The following ZNF292 variants were observed in gnomAD, a reference collection of about 807,000 sequenced individuals.
ZNF292 encodes zinc finger protein 292.
In ZNF292, 26 loss-of-function variants were observed where a neutral mutation model predicts 217.9. The ratio of observed to expected loss-of-function variants is 0.12; its 90% CI spans 0.09 to 0.17. The LOEUF (loss-of-function observed/expected upper bound fraction) is 0.17, where lower values mean the gene tolerates loss of function less well. Among genes scored for constraint, ZNF292 ranks in the 10% least tolerant of loss-of-function variants. The pLI is 1.00. For synonymous variants in ZNF292, 1,257 were observed against 1,124.1 expected, an observed-to-expected ratio of 1.12 and a Z score of -2.37; for missense variants, 2,904 against 3,175.2, an observed-to-expected ratio of 0.91 and a Z score of 2.05.
At chr6:87,200,025 G>A (rs140485832) in intron 1 of ZNF292, among the ~76,000 whole-genome samples, 203 of 152,250 alleles carry the variant, frequency 1.3e-3, no homozygotes, top group African/African-American at 3.8e-3. Context: ...ATTGAGGCTC[G>A]TGCTATAATT....
rs1771149631 is a variant in ZNF292, at chr6:87,172,883, C to A, written c.168+17124C>A. 2.8e-5 allele frequency among the ~76,000 whole-genome samples: 4 copies of A among 143,252 alleles called. No homozygotes were observed. The South Asian group carries it at 8.7e-4, about 31-fold the overall frequency. The allele number at this position is 143,252 out of a possible 152,430, so 94.0% of individuals were successfully genotyped here. Reference sequence around the variant, plus strand: ...GATTGCACCACTGCAATCTGGGCGACAGAATGAGACTCTGTCTCAAAAAAA... The same window carrying A: ...GATTGCACCACTGCAATCTGGGCGAAAGAATGAGACTCTGTCTCAAAAAAA... On this transcript the variant is annotated intron_variant, in intron 1 of 7. Transcript: ENST00000369577.
At position 87,261,564 on chromosome 6, in the gene ZNF292, T is replaced by C; in HGVS notation, c.7935T>C (p.Cys2645=). The stretch of plus-strand genomic sequence containing the variant: ...CTAGTGGAAATCATGTATGTCCTTG[T>C]AAAGAAAGCGAAACGTTTGTACAGT... ...AVTSGNHVCP[C]KESETFVQFA... The change falls in exon 8 of 8, where the codon TGT becomes TGC. Residue 2645 remains cysteine (C), a synonymous_variant. Coordinates refer to ENST00000369577, the MANE Select transcript of ZNF292 (RefSeq NM_015021.3). 1 of 1,610,436 alleles carries C rather than the reference T, an allele frequency of 6.2e-7. No individual in the cohort carries two copies. Among genetic ancestry groups the C allele is most frequent in the Non-Finnish European group, 8.5e-7 (1 of 1,178,136 alleles).
intron 4 of ZNF292, among the ~76,000 whole-genome samples, chr6:87,230,228 G>A (rs1361950902): frequency 6.6e-6 from 1 of 151,732 alleles, no homozygotes; most frequent in East Asian, 1.9e-4. Flanking sequence ...GCTAGTCAAA[G>A]ATGCTGCAAA....
chr6:87,256,137 A>T lies in ZNF292; in HGVS notation c.2508A>T (p.Glu836Asp), dbSNP rs1775196713. Residue 836 changes from glutamate to aspartate, a missense_variant, in exon 8 of 8, where the codon GAA becomes GAT. This residue lies in a region of ZNF292 where 687 missense variants were observed against 623.0 expected (regional missense o/e 1.10). Coordinates refer to ENST00000369577, the MANE Select transcript of ZNF292 (RefSeq NM_015021.3). ...TGGATGATCACAGTACTCCTCCTGA[A>T]AAAGTGCTGCCTCCTGAAGCCCAAC... is the stretch of plus-strand genomic sequence containing the variant. The part of the protein sequence containing the change: ...KHLDDHSTPP[E>D]KVLPPEAQLN... The T allele has an allele frequency of 6.2e-7, 1 of 1,613,640 alleles. No individual in the cohort carries two copies. Among genetic ancestry groups the T allele is most frequent in the Non-Finnish European group, 8.5e-7 (1 of 1,179,810 alleles).
At chr6:87,189,541 A>G (rs1291126335) in intron 1 of ZNF292, among the ~76,000 whole-genome samples, 1 of 151,932 alleles carries the variant, frequency 6.6e-6, no homozygotes, top group Non-Finnish European at 1.5e-5. Flanking sequence ...TTATTTTCCA[A>G]ACTTTTCTTT....
At chr6:87,191,925 G>C (rs1395028857) in intron 1 of ZNF292, among the ~76,000 whole-genome samples, 1 of 152,176 alleles carries the variant, frequency 6.6e-6, no homozygotes, top group Admixed American at 6.5e-5. Context: ...GCCTCCCAAA[G>C]TGCTGGGATT....
chr6:87,245,361 G>A (rs975727074), intron 6 of ZNF292, 142 bp from the exon 7 acceptor site: 8 of 478,320 alleles, frequency 1.7e-5, no homozygotes, highest in African/African-American at 1.0e-4. Context: ...ATTGGGATCT[G>A]TTTTCTTGCA....
At chr6:87,233,562 TA>T in intron 5 of ZNF292, 35 bp downstream of exon 5, 1 of 1,573,876 alleles carries the variant, frequency 6.4e-7, no homozygotes, top group Non-Finnish European at 8.6e-7. Context: ...AATTATTTTT[TA>T]AGTTGAGAAA....
At chr6:87,165,980 A>T (rs9359737) in intron 1 of ZNF292, among the ~76,000 whole-genome samples, 1 of 151,806 alleles carries the variant, frequency 6.6e-6, no homozygotes, top group Non-Finnish European at 1.5e-5. Flanking sequence ...CTGGTCTCAA[A>T]CTCCTGACCT....
intron 1 of ZNF292, among the ~76,000 whole-genome samples, chr6:87,189,681 A>T (rs1376627048): frequency 6.6e-6 from 1 of 151,958 alleles, no homozygotes; most frequent in Non-Finnish European, 1.5e-5. Flanking sequence ...ATAAAGTGCC[A>T]TCATCAAAGA....
chr6:87,233,648 T>C (rs1024511315), intron 5 of ZNF292, 121 bp downstream of exon 5: 13 of 1,460,064 alleles, frequency 8.9e-6, no homozygotes, highest in Non-Finnish European at 1.2e-5. Context: ...TCTTACATTT[T>C]TGGTATGTTC....
rs35541349 is a variant in ZNF292, at chr6:87,261,934, GAAAA to G, written c.*140_*143del. On this transcript the variant is annotated 3_prime_UTR_variant, in exon 8 of 8. Coordinates refer to ENST00000369577, the MANE Select transcript of ZNF292 (RefSeq NM_015021.3). Reference sequence around the variant, plus strand: ...AATTAACCTGGCCAAAAACAAAAAAGAAAAAAAAAACATGACATTTGTCATGTAA... The same window carrying G: ...AATTAACCTGGCCAAAAACAAAAAAGAAAAAACATGACATTTGTCATGTAA... 1.7e-5 allele frequency: 9 copies of G among 539,672 alleles called. No individual in the cohort carries two copies. The South Asian group carries it at 2.2e-4, about 13-fold the overall frequency. 33.4% of individuals were successfully genotyped at this position (539,672 alleles called of 1,614,324 possible).
chr6:87,253,658 T>TA (rs1775051725), intron 7 of ZNF292, among the ~76,000 whole-genome samples: 2 of 152,196 alleles, frequency 1.3e-5, no homozygotes, highest in Admixed American at 1.3e-4. Context: ...TCCTTTTTAG[T>TA]AAAAATACTA....
rs752830835 is a variant in ZNF292 at position 87,260,127 on chromosome 6, A to G, written c.6498A>G (p.Lys2166=). Residue 2166 remains lysine, a synonymous_variant, in exon 8 of 8, where the codon AAA becomes AAG. Coordinates refer to ENST00000369577, the MANE Select transcript of ZNF292 (RefSeq NM_015021.3). ...AGKESEETET[K]QTLKEFRCQV... ...AAGAAAGTGAAGAAACTGAAACTAA[A>G]CAAACTTTGAAAGAATTTCGATGTC... 5 of 1,613,382 alleles carry G rather than the reference A, an allele frequency of 3.1e-6. No homozygotes were observed. The highest frequency in any genetic ancestry group is 1.6e-4 in the Middle Eastern group (1 of 6,078).
At chr6:87,243,117 AT>A (rs151193873) in intron 5 of ZNF292, among the ~76,000 whole-genome samples, 3,527 of 150,148 alleles carry the variant, frequency 0.023, 131 homozygotes, top group African/African-American at 0.082. Context: ...AAAGTACTGC[AT>A]TTTTTTTTCA....
chr6:87,257,428 G>A lies in ZNF292; in HGVS notation c.3799G>A (p.Ala1267Thr), dbSNP rs375109978. 6.2e-7 allele frequency: 1 copy of A among 1,613,434 alleles called. No homozygotes were observed. Among genetic ancestry groups the A allele is most frequent in the African/African-American group, 1.3e-5 (1 of 74,982 alleles). Residue 1267 changes from alanine to threonine, a missense_variant, in exon 8 of 8, where the codon GCA (alanine) becomes ACA (threonine). By Grantham distance (58) the Ala-to-Thr change is moderately conservative. Coordinates refer to ENST00000369577, the MANE Select transcript of ZNF292 (RefSeq NM_015021.3). ...SGSDPFLPLPAESSSMSLFPS... is the reference protein window; with the variant it reads ...SGSDPFLPLPTESSSMSLFPS... ...CTCAGATCCTTTCCTTCCTTTACCT[G>A]CAGAAAGTAGTTCAATGTCTCTCTT... is the stretch of plus-strand genomic sequence containing the variant.
chr6:87,198,907 C>G (rs1310695443), intron 1 of ZNF292, among the ~76,000 whole-genome samples: 1 of 152,176 alleles, frequency 6.6e-6, no homozygotes, highest in Admixed American at 6.5e-5. Context: ...CTTATCCATT[C>G]AAACCATTGA....
intron 4 of ZNF292, among the ~76,000 whole-genome samples, chr6:87,230,456 C>T (rs920735988): frequency 4.0e-5 from 6 of 151,798 alleles, no homozygotes; most frequent in East Asian, 1.9e-4. Flanking sequence ...TGACATGGCC[C>T]GGCGTGGGGG....
chr6:87,260,711 G>A lies in ZNF292; in HGVS notation c.7082G>A (p.Arg2361His), dbSNP rs979930942. Residue 2361 changes from arginine to histidine, a missense_variant, in exon 8 of 8, where the codon CGT becomes CAT. Arg to His is a conservative substitution (Grantham distance 29, BLOSUM62 0). Around this residue, in one of 15 missense-constraint regions of ZNF292, gnomAD observed 101 missense variants for 89.5 expected, o/e 1.13. Transcript: ENST00000369577. ...GAAAATAAGCCTTATTCTCTGAAAC[G>A]TGGGAAGCATGTATATTCTATAAAG... ...IEENKPYSLK[R>H]GKHVYSIKAR... 5.0e-6 allele frequency: 8 copies of A among 1,613,092 alleles called. No individual in the cohort carries two copies. Among genetic ancestry groups the A allele is most frequent in the South Asian group, 1.1e-5 (1 of 90,988 alleles).
Sources: gnomAD v4.1 joint callset for allele counts (sites outside exome capture counted in the v4.1 genomes callset) on GRCh38, gnomAD v4.1.1 for gene constraint, gnomAD v4.1.1 regional missense constraint, MANE v1.5 for transcripts, NCBI Gene and HGNC (gene_info 2026-07-23, HGNC 2026-07-21) for gene names.